The following MTPAP variants were observed in gnomAD, a reference collection of about 807,000 sequenced individuals.
MTPAP encodes poly(A) RNA polymerase, mitochondrial.
Under a neutral mutation model 48.7 loss-of-function variants are expected in MTPAP, and 23 were observed. The observed-to-expected ratio is 0.47, with a 90% CI of 0.34 to 0.67. The LOEUF is 0.67. Ranked by LOEUF, MTPAP falls within the 30% of genes least tolerant of loss-of-function variation. MTPAP has a pLI of 0.01. For missense variants in MTPAP, 614 were observed against 694.3 expected (o/e 0.88, Z 1.30); for synonymous variants, 257 against 254.1 (o/e 1.01, Z -0.11).
chr10:30,327,437 T>C (rs1834610936), intron 4 of MTPAP, among the ~76,000 whole-genome samples: 1 of 151,580 alleles, frequency 6.6e-6, no homozygotes, highest in African/African-American at 2.4e-5. Context: ...AGATGGAGGT[T>C]GCAGTGAGCC....
intron 2 of MTPAP, 48 bp downstream of exon 2, chr10:30,341,420 C>T (rs767507271): frequency 1.6e-5 from 26 of 1,581,920 alleles, no homozygotes; most frequent in Non-Finnish European, 2.1e-5. Context: ...GAGACCTCCA[C>T]CCTTGAAAAG....
At chr10:30,328,003 AAAG>A (rs1175081713) in intron 4 of MTPAP, among the ~76,000 whole-genome samples, 1 of 152,182 alleles carries the variant, frequency 6.6e-6, no homozygotes, top group Non-Finnish European at 1.5e-5. Context: ...AGAAGACACA[AAAG>A]AATATGATTG....
At chr10:30,324,381 A>C (rs1834555093) in intron 5 of MTPAP, among the ~76,000 whole-genome samples, 1 of 151,832 alleles carries the variant, frequency 6.6e-6, no homozygotes, top group Admixed American at 6.6e-5. Flanking sequence ...AGAAAAACAA[A>C]ATTTTAAAAA....
At position 30,313,699 on chromosome 10, in the gene MTPAP, T is replaced by G; in HGVS notation, c.1659A>C (p.Thr553=). The G allele has an allele frequency of 6.2e-7, 1 of 1,614,248 alleles. No individual in the cohort carries two copies. The highest frequency in any genetic ancestry group is 8.5e-7 in the Non-Finnish European group (1 of 1,180,036). The change falls in exon 9 of 9, where the codon ACA becomes ACC. Residue 553 remains threonine (T), a synonymous_variant. Coordinates refer to ENST00000263063, the MANE Select transcript of MTPAP (RefSeq NM_018109.4). ...TTAAAGATTCTAGCAAGTTTTTGACTGTTTCAATTGCAAACTTATTGCTTT... is the reference window on the plus strand; with the variant it reads ...TTAAAGATTCTAGCAAGTTTTTGACGGTTTCAATTGCAAACTTATTGCTTT... The part of the protein sequence containing the change: ...KKKSNKFAIE[T]VKNLLESLKG...
At chr10:30,334,062 C>T (rs139376689) in intron 4 of MTPAP, among the ~76,000 whole-genome samples, 98 of 152,182 alleles carry the variant, frequency 6.4e-4, no homozygotes, top group African/African-American at 2.2e-3. Flanking sequence ...TTCCTATCTG[C>T]CCAAGTTTAT....
At chr10:30,321,937 C>T (rs1564519225) in intron 6 of MTPAP, among the ~76,000 whole-genome samples, 1 of 152,152 alleles carries the variant, frequency 6.6e-6, no homozygotes. Context: ...TAAAATAATG[C>T]ACCTAAGACT....
chr10:30,346,714 G>A (rs1463304396), intron 1 of MTPAP, among the ~76,000 whole-genome samples: 1 of 152,134 alleles, frequency 6.6e-6, no homozygotes, highest in Non-Finnish European at 1.5e-5. Flanking sequence ...AACAGTTCTG[G>A]TAACAGCACA....
chr10:30,332,125 A>G (rs1834675686), intron 4 of MTPAP, among the ~76,000 whole-genome samples: 1 of 152,258 alleles, frequency 6.6e-6, no homozygotes, highest in South Asian at 2.1e-4. Context: ...AATCTGATGA[A>G]TGTAAGAGTA....
intron 3 of MTPAP, among the ~76,000 whole-genome samples, chr10:30,339,763 A>C (rs1834776996): frequency 6.6e-6 from 1 of 152,220 alleles, no homozygotes. Flanking sequence ...AATTGTAATA[A>C]AAATATTAGC....
intron 4 of MTPAP, 122 bp downstream of exon 4, chr10:30,336,681 C>G (rs1834733903): frequency 5.9e-6 from 5 of 853,438 alleles, no homozygotes; most frequent in Admixed American, 3.7e-5. Flanking sequence ...ACACCTTATT[C>G]TTTAACCACA....
At chr10:30,332,186 T>C (rs1040085597) in intron 4 of MTPAP, among the ~76,000 whole-genome samples, 1 of 152,244 alleles carries the variant, frequency 6.6e-6, no homozygotes, top group Non-Finnish European at 1.5e-5. Flanking sequence ...AGCAAAGCTA[T>C]TATAATCTTG....
intron 1 of MTPAP, among the ~76,000 whole-genome samples, chr10:30,344,543 T>TCCAAGTGGTCCTTATC (rs1216169408): frequency 1.2e-4 from 19 of 152,282 alleles, no homozygotes; most frequent in African/African-American, 2.9e-4. Context: ...CTGTCCTTCC[T>TCCAAGTGGTCCTTATC]CCAAGTGGTC....
At chr10:30,347,499 T>C (rs189020607) in intron 1 of MTPAP, among the ~76,000 whole-genome samples, 128 of 152,372 alleles carry the variant, frequency 8.4e-4, no homozygotes, top group Non-Finnish European at 1.4e-3. Context: ...TCCCTGAATA[T>C]TTAGTCGTAT....
intron 3 of MTPAP, among the ~76,000 whole-genome samples, chr10:30,339,498 AAGAG>A (rs1262025659): frequency 7.0e-6 from 1 of 143,434 alleles, no homozygotes; most frequent in African/African-American, 2.5e-5. Context: ...AAAAAAAAAA[AAGAG>A]AGAGAGAATC....
intron 5 of MTPAP, among the ~76,000 whole-genome samples, chr10:30,324,634 G>A (rs1834560183): frequency 6.6e-6 from 1 of 152,078 alleles, no homozygotes; most frequent in South Asian, 2.1e-4. Context: ...ATTTCTCCAA[G>A]AACCAACAGA....
At chr10:30,319,313 AAGGT>A (rs1310849256) in intron 6 of MTPAP, among the ~76,000 whole-genome samples, 1 of 152,212 alleles carries the variant, frequency 6.6e-6, no homozygotes, top group African/African-American at 2.4e-5. Flanking sequence ...GAAGTTCTGG[AAGGT>A]ATTCTAGGAA....
At chr10:30,337,073 T>C in intron 3 of MTPAP, 46 bp from the exon 4 acceptor site, 1 of 1,507,256 alleles carries the variant, frequency 6.6e-7, no homozygotes, top group Non-Finnish European at 9.2e-7. Context: ...AAAGTACAGG[T>C]CGCATAAAAA....
At chr10:30,343,274 C>T (rs1043503536) in intron 1 of MTPAP, among the ~76,000 whole-genome samples, 1 of 151,744 alleles carries the variant, frequency 6.6e-6, no homozygotes, top group Admixed American at 6.6e-5. Context: ...ATTAGCCAGG[C>T]GTGGTGTCGT....
chr10:30,342,066 T>C (rs1176754267), intron 1 of MTPAP, among the ~76,000 whole-genome samples: 1 of 152,082 alleles, frequency 6.6e-6, no homozygotes, highest in Admixed American at 6.5e-5. Context: ...TGAAACCTCA[T>C]CTGTACTAAA....
Sources: gnomAD v4.1 joint callset for allele counts (sites outside exome capture counted in the v4.1 genomes callset) on GRCh38, gnomAD v4.1.1 for gene constraint, MANE v1.5 for transcripts, NCBI Gene and HGNC (gene_info 2026-07-23, HGNC 2026-07-21) for gene names.